The following INTS11 variants were observed in gnomAD, a reference collection of about 807,000 sequenced individuals.
The protein encoded by INTS11 is integrator complex subunit 11, also known as CPSF3-like protein.
A neutral mutation model predicts 78.6 loss-of-function variants in INTS11; 77 were observed. The ratio of observed to expected loss-of-function variants is 0.98; its 90% CI spans 0.81 to 1.18. INTS11 has a LOEUF of 1.18. Ranked by LOEUF, INTS11 falls within the 50% of genes most tolerant of loss-of-function variation. INTS11 has a pLI of 0.00. For synonymous variants in INTS11, 441 were observed against 326.9 expected (o/e 1.35, Z -3.77); for missense variants, 875 against 825.9 (o/e 1.06, Z -0.73).
In INTS11 at chr1:1,314,092, A is replaced by G. The variant is rs1314227481; in HGVS notation, c.768-171T>C. The G allele has an allele frequency of 2.6e-6, 2 of 782,040 alleles. No homozygotes were observed. 48.4% of individuals were successfully genotyped at this position (782,040 alleles called of 1,614,324 possible). On this transcript the variant is annotated intron_variant, in intron 8 of 16. Coordinates refer to ENST00000435064, the MANE Select transcript of INTS11 (RefSeq NM_017871.6). This position sits in a 1 kb window ranked among gnomAD's most constrained non-coding sequence, Gnocchi z 4.2. The stretch of plus-strand genomic sequence containing the variant: ...GCCCTGCAGCAGCCGGGCTCAGCGG[A>G]GAACCAGGAACCCCTACAAGAGCCG...
At chr1:1,313,166 T>C in intron 10 of INTS11, 42 bp from the exon 11 acceptor site, 1 of 1,579,036 alleles carries the variant, frequency 6.3e-7, no homozygotes, top group Non-Finnish European at 8.6e-7. Context: ...AACTCCAGCC[T>C]TGGCACCTCA....
chr1:1,311,814 C>A lies in INTS11; in HGVS notation c.*45G>T. The A allele has an allele frequency of 6.6e-7, 1 of 1,522,478 alleles. No individual in the cohort carries two copies. The highest frequency in any genetic ancestry group is 8.8e-7 in the Non-Finnish European group (1 of 1,131,420). 94.3% of individuals were successfully genotyped at this position (1,522,478 alleles called of 1,614,324 possible). ...CCTGAAGTGCAGGCCCAGGGTCTGT[C>A]CAGCTGGGAGAGGGCAGAGGTGGCG... On this transcript the variant is annotated 3_prime_UTR_variant, in exon 17 of 17. Transcript: ENST00000435064.
In INTS11 at chr1:1,312,213, G is replaced by GGGGGGCCGGCCCCCCCCCCC; in HGVS notation, c.1607+12_1607+13insGGGGGGGGGGGCCGGCCCCC. 1.1e-6 allele frequency: 1 copy of GGGGGGCCGGCCCCCCCCCCC among 934,620 alleles called. No homozygotes were observed. The highest frequency in any genetic ancestry group is 1.6e-6 in the Non-Finnish European group (1 of 636,668). 57.9% of individuals were successfully genotyped at this position (934,620 alleles called of 1,614,324 possible). ...CCCAAGGGAGTGGGGGGGGGGCGGG[G>GGGGGGCCGGCCCCCCCCCCC]CCGGGCGCCCACCTCTTGAGGTGGC... On this transcript the variant is annotated intron_variant, in intron 15 of 16. Transcript: ENST00000435064.
Position 1,324,609 on chromosome 1 carries a change from C to G in INTS11, c.-1G>C, listed in dbSNP as rs567417097. 1 of 1,598,826 alleles carries G rather than the reference C, an allele frequency of 6.3e-7. No homozygotes were observed. The highest frequency in any genetic ancestry group is 8.5e-7 in the Non-Finnish European group (1 of 1,174,508). ...AGGGCGTGACTCTGATCTCAGGCAT[C>G]GTCTCCGCCGCGCTCCCGGACCCGC... is the stretch of plus-strand genomic sequence containing the variant. On this transcript the variant is annotated 5_prime_UTR_variant, in exon 1 of 17. Transcript: ENST00000435064.
chr1:1,312,178 G>T, intron 15 of INTS11, 31 bp from the exon 16 acceptor site: 1 of 1,446,144 alleles, frequency 6.9e-7, no homozygotes. Flanking sequence ...ACCCTGCCTG[G>T]CCTCCAGGGC....
intron 10 of INTS11, 62 bp from the exon 11 acceptor site, chr1:1,313,186 C>T: frequency 6.5e-7 from 1 of 1,528,382 alleles, no homozygotes; most frequent in South Asian, 1.2e-5. Context: ...AAGGCCTTGC[C>T]CGGGATGCCC....
rs779770923 is a variant in INTS11, at chr1:1,312,878, C to G, written c.1203G>C (p.Leu401=). The change falls in exon 12 of 17, where the codon CTG becomes CTC. Residue 401 remains leucine, a synonymous_variant. Coordinates refer to ENST00000435064, the MANE Select transcript of INTS11 (RefSeq NM_017871.6). ...CGCTCTCCGGCTCTGCCTGGCCCAC[C>G]AGCTGCATGATGCCCTTGGCGTCCG... ...AHADAKGIMQ[L]VGQAEPESVL... The G allele has an allele frequency of 1.9e-6, 3 of 1,612,436 alleles. No homozygotes were observed. The highest frequency in any genetic ancestry group is 1.3e-5 in the African/African-American group (1 of 74,948).
chr1:1,322,071 T>C, intron 1 of INTS11: 3 of 852,376 alleles, frequency 3.5e-6, no homozygotes, highest in Non-Finnish European at 4.9e-6. Flanking sequence ...GGGTCTCAGC[T>C]GTCTCCTCCC....
chr1:1,315,359 C>T, intron 6 of INTS11, 45 bp downstream of exon 6: 1 of 1,611,716 alleles, frequency 6.2e-7, no homozygotes, highest in South Asian at 1.1e-5. Flanking sequence ...GGGTCCTGAG[C>T]TCCAGGGGGG....
rs72631902 is a variant in INTS11 at position 1,314,109 on chromosome 1, C to G, written c.768-188G>C. 633 of 760,378 alleles carry G rather than the reference C, an allele frequency of 8.3e-4. No homozygotes were observed. Among genetic ancestry groups the G allele is most frequent in the Non-Finnish European group, 1.2e-3 (535 of 459,434 alleles). The allele number at this position is 760,378 out of a possible 1,614,324, so 47.1% of individuals were successfully genotyped here. On this transcript the variant is annotated intron_variant, in intron 8 of 16. Transcript: ENST00000435064. The surrounding 1 kb of genome is among the most constrained non-coding windows in gnomAD (Gnocchi z 4.2). ...CTCAGCGGAGAACCAGGAACCCCTACAAGAGCCGCACACGGTGGCGCTGAC... is the reference window on the plus strand; with the variant it reads ...CTCAGCGGAGAACCAGGAACCCCTAGAAGAGCCGCACACGGTGGCGCTGAC...
chr1:1,311,879 G>A lies in INTS11; in HGVS notation c.1783C>T (p.Leu595Phe), dbSNP rs1217476775. The change falls in exon 17 of 17, where the codon CTC (leucine) becomes TTC (phenylalanine). Residue 595 changes from leucine (L) to phenylalanine (F), a missense_variant. Transcript: ENST00000435064. ...CGGCCTCAGCTGGGGGCCTGGGGGAGGCCCTTCTTCAGCAGAGATGTGAGG... is the reference window on the plus strand; with the variant it reads ...CGGCCTCAGCTGGGGGCCTGGGGGAAGCCCTTCTTCAGCAGAGATGTGAGG... ...SFLTSLLKKG[L>F]PQAPS is the part of the protein sequence containing the mutation. 1 of 1,564,242 alleles carries A rather than the reference G, an allele frequency of 6.4e-7. No individual in the cohort carries two copies. The highest frequency in any genetic ancestry group is 8.7e-7 in the Non-Finnish European group (1 of 1,154,922).
At chr1:1,322,892 C>G in intron 1 of INTS11, 1 of 1,244,400 alleles carries the variant, frequency 8.0e-7, no homozygotes, top group Non-Finnish European at 1.0e-6. Context: ...TTGATGATAC[C>G]TTGGCTGAGG....
At chr1:1,320,956 G>C in intron 2 of INTS11, 40 bp downstream of exon 2, 1 of 1,566,024 alleles carries the variant, frequency 6.4e-7, no homozygotes, top group Non-Finnish European at 8.8e-7. Context: ...GTGGATGGCC[G>C]GCTCTCCCAG....
rs899653577 is a variant in INTS11 at position 1,324,622 on chromosome 1, C to A, written c.-14G>T. 6.3e-7 allele frequency: 1 copy of A among 1,598,968 alleles called. No individual in the cohort carries two copies. The highest frequency in any genetic ancestry group is 8.5e-7 in the Non-Finnish European group (1 of 1,174,590). On this transcript the variant is annotated 5_prime_UTR_variant, in exon 1 of 17. Coordinates refer to ENST00000435064, the MANE Select transcript of INTS11 (RefSeq NM_017871.6). ...GATCTCAGGCATCGTCTCCGCCGCGCTCCCGGACCCGCGAGGCCCGCCTGC... is the reference window on the plus strand; with the variant it reads ...GATCTCAGGCATCGTCTCCGCCGCGATCCCGGACCCGCGAGGCCCGCCTGC...
rs543058948 is a variant in INTS11 at position 1,314,547 on chromosome 1, G to T, written c.703-182C>A. Reference sequence around the variant, plus strand: ...CAGAAGGGAGCCGTATGAGAGACAGGAGGGAGCCGCATGAGAGACAGAAGG... The same window carrying T: ...CAGAAGGGAGCCGTATGAGAGACAGTAGGGAGCCGCATGAGAGACAGAAGG... On this transcript the variant is annotated intron_variant, in intron 7 of 16. Coordinates refer to ENST00000435064, the MANE Select transcript of INTS11 (RefSeq NM_017871.6). This position sits in a 1 kb window ranked among gnomAD's most constrained non-coding sequence, Gnocchi z 4.2. 3.1e-6 allele frequency: 2 copies of T among 647,302 alleles called. No homozygotes were observed. The highest frequency in any genetic ancestry group is 3.0e-5 in the Admixed American group (1 of 33,662). 40.1% of individuals were successfully genotyped at this position (647,302 alleles called of 1,614,324 possible). A position where few individuals can be genotyped will look rare whatever the true frequency, so the allele number is the denominator to read the frequency against.
At position 1,319,232 on chromosome 1, in the gene INTS11, C is replaced by T. The variant is rs530675219; in HGVS notation, c.429+64G>A. 30 of 1,348,838 alleles carry T rather than the reference C, an allele frequency of 2.2e-5. No individual in the cohort carries two copies. The East Asian group carries it at 4.1e-4, about 19-fold the overall frequency. 83.6% of individuals were successfully genotyped at this position (1,348,838 alleles called of 1,614,324 possible). On this transcript the variant is annotated intron_variant, in intron 4 of 16. Transcript: ENST00000435064. ...CCTTCCAGAAACTGTGTAGAACGGG[C>T]GGAGGGCATGGTTGGTGTGGGGGTG...
In INTS11 at chr1:1,312,152, G is replaced by A. The variant is rs112135993; in HGVS notation, c.1608-5C>T. 1.3e-6 allele frequency: 2 copies of A among 1,535,846 alleles called. No individual in the cohort carries two copies. Among genetic ancestry groups the A allele is most frequent in the Non-Finnish European group, 1.8e-6 (2 of 1,136,218 alleles). On this transcript the variant is annotated splice_polypyrimidine_tract_variant and splice_region_variant and intron_variant, in intron 15 of 16. Coordinates refer to ENST00000435064, the MANE Select transcript of INTS11 (RefSeq NM_017871.6). Reference sequence around the variant, plus strand: ...ACACAGTGGTCCTTCAGGACGCTGTGGGGAGGCTCGGTGAGACCCTGCCTG... The same window carrying A: ...ACACAGTGGTCCTTCAGGACGCTGTAGGGAGGCTCGGTGAGACCCTGCCTG...
chr1:1,313,381 CCAGCAG>C, intron 10 of INTS11, 122 bp downstream of exon 10: 1 of 1,114,382 alleles, frequency 9.0e-7, no homozygotes, highest in East Asian at 2.5e-5. Flanking sequence ...CCCCCGTTCC[CCAGCAG>C]CAGCAGCCAC....
rs536573666 is a variant in INTS11 at position 1,315,017 on chromosome 1, G to A, written c.564-55C>T. 9.4e-6 allele frequency: 15 copies of A among 1,589,934 alleles called. No homozygotes were observed. In the East Asian group the frequency reaches 3.2e-4, roughly 34 times the overall value. On this transcript the variant is annotated intron_variant, in intron 6 of 16. Coordinates refer to ENST00000435064, the MANE Select transcript of INTS11 (RefSeq NM_017871.6). ...CGATGCACTGTCCCCACGGTTGCAGGGCTGGGTGTGACAAGCTGGACCCCA... is the reference window on the plus strand; with the variant it reads ...CGATGCACTGTCCCCACGGTTGCAGAGCTGGGTGTGACAAGCTGGACCCCA...
Sources: allele counts gnomAD v4.1 joint callset, GRCh38; gene constraint gnomAD v4.1.1; non-coding constraint Gnocchi (gnomAD v3.1); transcripts MANE v1.5; gene names NCBI Gene and HGNC (gene_info 2026-07-23, HGNC 2026-07-21).